The following COG4 variants were observed in gnomAD, a reference collection of about 807,000 sequenced individuals.
COG4 encodes component of oligomeric golgi complex 4.
Under a neutral mutation model 95.1 loss-of-function variants are expected in COG4, and 65 were observed. The ratio of observed to expected loss-of-function variants is 0.68; its 90% CI spans 0.56 to 0.84. COG4 has a LOEUF of 0.84. Ranked by LOEUF, COG4 falls within the 40% of genes least tolerant of loss-of-function variation. COG4 has a pLI of 0.00. For missense variants in COG4, 1,045 were observed against 989.1 expected (o/e 1.06, Z -0.76); for synonymous variants, 421 against 374.8 (o/e 1.12, Z -1.42).
chr16:70,481,942 A>C (rs1262685764), intron 16 of COG4, 77 bp from the exon 17 acceptor site: 1 of 1,444,678 alleles, frequency 6.9e-7, no homozygotes, highest in Admixed American at 1.8e-5. Flanking sequence ...GGTGGTGAGG[A>C]TAGTAGCGTG....
Position 70,497,094 on chromosome 16 carries a change from G to A in COG4, c.1481+127C>T, listed in dbSNP as rs1397415237. On this transcript the variant is annotated intron_variant, in intron 11 of 18. Coordinates refer to ENST00000323786, the MANE Select transcript of COG4 (RefSeq NM_015386.3). ...CTGGAGCCAAGGATACTATCTTAGG[G>A]ATAGGAGCTGATGTCCTGTATAGAA... 6.4e-6 allele frequency: 6 copies of A among 936,750 alleles called. No individual in the cohort carries two copies. In the South Asian group the frequency reaches 6.9e-5, roughly 11 times the overall value. 58.0% of individuals were successfully genotyped at this position (936,750 alleles called of 1,614,324 possible). A position where few individuals can be genotyped will look rare whatever the true frequency, so the allele number is the denominator to read the frequency against.
chr16:70,508,889 G>C, intron 7 of COG4: 1 of 537,046 alleles, frequency 1.9e-6, no homozygotes, highest in Non-Finnish European at 3.5e-6. Context: ...CAATTACTTG[G>C]ACACTTAATA....
intron 8 of COG4, among the ~76,000 whole-genome samples, chr16:70,504,008 C>T (rs1247771569): frequency 1.3e-5 from 2 of 152,196 alleles, no homozygotes; most frequent in African/African-American, 4.8e-5. Flanking sequence ...GCACCCTACA[C>T]TCAGTATATC....
At chr16:70,508,936 A>G (rs2049638081) in intron 7 of COG4, 3 of 545,966 alleles carry the variant, frequency 5.5e-6, no homozygotes, top group South Asian at 5.1e-5. Context: ...ATATCATTAG[A>G]GGGCACTGTT....
chr16:70,496,766 A>G (rs996973171), intron 11 of COG4, among the ~76,000 whole-genome samples: 8 of 152,342 alleles, frequency 5.3e-5, no homozygotes, highest in African/African-American at 1.9e-4. Flanking sequence ...TGAGTCACTC[A>G]GTTCTGGATT....
chr16:70,521,910 C>A (rs986813678), intron 1 of COG4, among the ~76,000 whole-genome samples: 2 of 150,126 alleles, frequency 1.3e-5, no homozygotes, highest in African/African-American at 2.5e-5. Flanking sequence ...ACTGTGTTAG[C>A]CAGGATGGTC....
At chr16:70,489,923 T>C (rs549020248) in intron 13 of COG4, among the ~76,000 whole-genome samples, 1 of 152,154 alleles carries the variant, frequency 6.6e-6, no homozygotes, top group African/African-American at 2.4e-5. Flanking sequence ...GTTCAAGTGA[T>C]TCTCCTGCCT....
intron 3 of COG4, among the ~76,000 whole-genome samples, chr16:70,516,301 ATTT>A (rs530207617): frequency 7.0e-6 from 1 of 143,804 alleles, no homozygotes. Context: ...GTTGAGTTAA[ATTT>A]TTTTTTTTTT....
chr16:70,488,879 C>T (rs1273256177), intron 13 of COG4, among the ~76,000 whole-genome samples: 4 of 152,168 alleles, frequency 2.6e-5, no homozygotes, highest in Admixed American at 2.6e-4. Flanking sequence ...ACTGTTAATA[C>T]AACTAATAAG....
At chr16:70,491,856 A>T (rs1486217051) in intron 12 of COG4, among the ~76,000 whole-genome samples, 2 of 150,786 alleles carry the variant, frequency 1.3e-5, no homozygotes, top group Non-Finnish European at 3.0e-5. Context: ...AAGTAAAATG[A>T]TTCACGAAGG....
chr16:70,506,440 A>G (rs1359407372), intron 8 of COG4, among the ~76,000 whole-genome samples: 1 of 150,680 alleles, frequency 6.6e-6, no homozygotes, highest in Non-Finnish European at 1.5e-5. Context: ...AAATACAAAA[A>G]AATTAACCGA....
intron 9 of COG4, among the ~76,000 whole-genome samples, chr16:70,500,252 G>T (rs1202360432): frequency 6.6e-6 from 1 of 152,000 alleles, no homozygotes; most frequent in African/African-American, 2.4e-5. Context: ...TTACAGGTGT[G>T]AGCCACTGCA....
chr16:70,496,206 C>T (rs1034643668), intron 12 of COG4, 60 bp downstream of exon 12: 3 of 1,570,452 alleles, frequency 1.9e-6, no homozygotes, highest in Non-Finnish European at 2.6e-6. Flanking sequence ...TGTGGCTTAG[C>T]AGTGATAGCG....
chr16:70,484,492 G>A (rs1273321491), intron 13 of COG4, among the ~76,000 whole-genome samples: 1 of 152,010 alleles, frequency 6.6e-6, no homozygotes, highest in Non-Finnish European at 1.5e-5. Flanking sequence ...AACCACAAAA[G>A]TCAGTTTCTG....
In COG4 at chr16:70,482,151, T is replaced by C. The variant is rs912702493; in HGVS notation, c.1945A>G (p.Asn649Asp). The change falls in exon 16 of 19, where the codon AAC (asparagine) becomes GAC (aspartate). Residue 649 changes from asparagine (N) to aspartate (D), a missense_variant. Physicochemically the swap from Asn to Asp is conservative, Grantham distance 23. Coordinates refer to ENST00000323786, the MANE Select transcript of COG4 (RefSeq NM_015386.3). ...EEEEFNDYEA[N>D]DPWVQQFILN... ...ATGAACTGTTGTACCCAAGGGTCGTTGGCCTCATAGTCATTGAATTCTTCC... is the reference window on the plus strand; with the variant it reads ...ATGAACTGTTGTACCCAAGGGTCGTCGGCCTCATAGTCATTGAATTCTTCC... The C allele has an allele frequency of 1.9e-6, 3 of 1,613,760 alleles. No individual in the cohort carries two copies. The highest frequency in any genetic ancestry group is 1.7e-6 in the Non-Finnish European group (2 of 1,179,800).
At chr16:70,517,073 A>AT (rs1458805044) in intron 3 of COG4, among the ~76,000 whole-genome samples, 4 of 151,842 alleles carry the variant, frequency 2.6e-5, no homozygotes, top group Non-Finnish European at 4.4e-5. Context: ...TAATTTTTGT[A>AT]TTTTTTGTAG....
rs66751123 is a variant in COG4 at position 70,504,609 on chromosome 16, TAAAAA to T, written c.1062-3523_1062-3519del. On this transcript the variant is annotated intron_variant, in intron 8 of 18. Coordinates refer to ENST00000323786, the MANE Select transcript of COG4 (RefSeq NM_015386.3). ...GTGACGGAGTGAGTGAGATTCTATT[TAAAAA>T]AAAAAAAAAAAAAAGAGGCCGGGCA... is the stretch of plus-strand genomic sequence containing the variant. 5.4e-4 allele frequency among the ~76,000 whole-genome samples: 66 copies of T among 121,938 alleles called. No individual in the cohort carries two copies. In the South Asian group the frequency reaches 7.0e-3, roughly 13 times the overall value. 80.0% of individuals were successfully genotyped at this position (121,938 alleles called of 152,430 possible). A position where few individuals can be genotyped will look rare whatever the true frequency, so the allele number is the denominator to read the frequency against.
intron 8 of COG4, among the ~76,000 whole-genome samples, chr16:70,503,846 G>A (rs2049504507): frequency 8.2e-6 from 1 of 122,272 alleles, no homozygotes; most frequent in Non-Finnish European, 1.5e-5. Context: ...CGCCCGCCTC[G>A]GCCTCCCAAA....
At chr16:70,519,032 G>A (rs2151765144) in intron 2 of COG4, among the ~76,000 whole-genome samples, 1 of 151,632 alleles carries the variant, frequency 6.6e-6, no homozygotes, top group East Asian at 1.9e-4. Flanking sequence ...GAATCACTTG[G>A]TAGGCTTGTC....
Sources: gnomAD v4.1 joint callset for allele counts (sites outside exome capture counted in the v4.1 genomes callset) on GRCh38, gnomAD v4.1.1 for gene constraint, MANE v1.5 for transcripts, NCBI Gene and HGNC (gene_info 2026-07-23, HGNC 2026-07-21) for gene names.